The following KCNIP4 variants were observed in gnomAD, a reference collection of about 807,000 sequenced individuals.
The protein encoded by KCNIP4 is Kv channel-interacting protein 4.
KCNIP4 carries 12 observed loss-of-function variants against 34.0 expected under a neutral mutation model. The observed-to-expected ratio is 0.35, with a 90% CI of 0.23 to 0.57. KCNIP4 has a LOEUF of 0.57. KCNIP4 is among the 20% of genes least tolerant of loss of function. The pLI is 0.83. For missense variants in KCNIP4, 238 were observed against 311.7 expected (o/e 0.76, Z 1.78); for synonymous variants, 124 against 102.2 (o/e 1.21, Z -1.29).
chr4:21,836,692 G>C (rs1011042139), intron 1 of KCNIP4, among the ~76,000 whole-genome samples: 18 of 152,106 alleles, frequency 1.2e-4, no homozygotes, highest in Non-Finnish European at 2.1e-4. Flanking sequence ...GGAAAATCCA[G>C]TCTTGCTATT....
chr4:20,978,144 T>C (rs1015685233), intron 1 of KCNIP4, among the ~76,000 whole-genome samples: 12 of 152,246 alleles, frequency 7.9e-5, no homozygotes, highest in African/African-American at 2.9e-4. Context: ...GTTATCTTAA[T>C]TGAAATTATC....
intron 1 of KCNIP4, among the ~76,000 whole-genome samples, chr4:21,147,962 A>AG (rs1462391690): frequency 4.8e-5 from 6 of 123,922 alleles, no homozygotes; most frequent in Admixed American, 2.6e-4. Context: ...AAAAAAAAAG[A>AG]AAAAAAGTTC....
intron 1 of KCNIP4, among the ~76,000 whole-genome samples, chr4:21,799,505 G>A (rs1191338355): frequency 2.0e-5 from 3 of 152,182 alleles, no homozygotes; most frequent in African/African-American, 7.2e-5. Context: ...CAGGGAGGTA[G>A]AGGTAGTGAC....
At chr4:20,967,037 G>A (rs992701665) in intron 1 of KCNIP4, among the ~76,000 whole-genome samples, 3 of 152,150 alleles carry the variant, frequency 2.0e-5, no homozygotes, top group African/African-American at 7.2e-5. Context: ...AAAGCTCAGT[G>A]TGTCCTAACC....
At chr4:21,877,302 G>A (rs1012368596) in intron 1 of KCNIP4, among the ~76,000 whole-genome samples, 5 of 152,000 alleles carry the variant, frequency 3.3e-5, no homozygotes, top group Non-Finnish European at 5.9e-5. Context: ...GCAGTGAGCT[G>A]AGATGGCACC....
intron 1 of KCNIP4, among the ~76,000 whole-genome samples, chr4:21,637,783 CAAAAAAAAA>C (rs3050028): frequency 9.1e-6 from 1 of 109,474 alleles, no homozygotes; most frequent in African/African-American, 3.6e-5. Flanking sequence ...AAGTCCGTCT[CAAAAAAAAA>C]AAAAAAAAAA....
At chr4:20,965,909 G>T (rs1024226579) in intron 1 of KCNIP4, among the ~76,000 whole-genome samples, 5 of 152,124 alleles carry the variant, frequency 3.3e-5, no homozygotes, top group African/African-American at 1.2e-4. Context: ...TCTCATCTGT[G>T]CAAATTCTTA....
chr4:20,987,447 C>T (rs1480868994), intron 1 of KCNIP4, among the ~76,000 whole-genome samples: 2 of 152,098 alleles, frequency 1.3e-5, no homozygotes, highest in African/African-American at 4.8e-5. Context: ...AAGGCTTTTA[C>T]CCATTGATTC....
At chr4:21,328,112 T>C (rs1715273630) in intron 1 of KCNIP4, among the ~76,000 whole-genome samples, 1 of 152,046 alleles carries the variant, frequency 6.6e-6, no homozygotes, top group Non-Finnish European at 1.5e-5. Flanking sequence ...TCTTGATTCT[T>C]ATGGGTATTC....
Position 21,497,814 on chromosome 4 carries a change from T to C in KCNIP4, c.61+450757A>G, listed in dbSNP as rs544432608. Among the ~76,000 whole-genome samples, 271 of 152,222 alleles carry C rather than the reference T, an allele frequency of 1.8e-3. 2 individuals are homozygous for C. The highest frequency in any genetic ancestry group is 6.4e-3 in the African/African-American group (264 of 41,556). Reference sequence around the variant, plus strand: ...GAAACTTTATATAATTCATAAAAAATTAATGCATAGTTATTCTAAAGTAAA... The same window carrying C: ...GAAACTTTATATAATTCATAAAAAACTAATGCATAGTTATTCTAAAGTAAA... On this transcript the variant is annotated intron_variant, in intron 1 of 8. Transcript: ENST00000382152.
chr4:21,931,427 C>T (rs1729558637), intron 1 of KCNIP4, among the ~76,000 whole-genome samples: 1 of 105,990 alleles, frequency 9.4e-6, no homozygotes, highest in South Asian at 4.1e-4. Context: ...CCTCCCCCCA[C>T]CCCACAACAG....
rs962639194 is a variant in KCNIP4 at position 21,893,713 on chromosome 4, C to A, written c.61+54858G>T. Among the ~76,000 whole-genome samples the A allele has an allele frequency of 4.6e-5, 7 of 152,070 alleles. 1 individual carries two copies. Among genetic ancestry groups the A allele is most frequent in the Non-Finnish European group, 8.8e-5 (6 of 68,000 alleles). The stretch of plus-strand genomic sequence containing the variant: ...TAGTCCTTTTGAGACTAGATCATTT[C>A]CTATAGCCAAAAATAAGATACTAGA... On this transcript the variant is annotated intron_variant, in intron 1 of 8. Coordinates refer to ENST00000382152, the MANE Select transcript of KCNIP4 (RefSeq NM_025221.6).
chr4:20,971,649 C>A lies in KCNIP4; in HGVS notation c.62-88940G>T, dbSNP rs146246699. Among the ~76,000 whole-genome samples the A allele has an allele frequency of 3.0e-3, 460 of 152,252 alleles. 2 individuals carry two copies. The highest frequency in any genetic ancestry group is 0.01 in the Middle Eastern group (3 of 294). On this transcript the variant is annotated intron_variant, in intron 1 of 8. Transcript: ENST00000382152. ...TTCAGCAATCTTGCAAAAAGATTAG[C>A]AAGTATAATATTTTTGCTGGTAGAA...
At chr4:21,396,045 ATGTAGAGTCTCC>A (rs1480169646) in intron 1 of KCNIP4, among the ~76,000 whole-genome samples, 24 of 151,772 alleles carry the variant, frequency 1.6e-4, no homozygotes, top group African/African-American at 5.3e-4. Flanking sequence ...ATATAAGACT[ATGTAGAGTCTCC>A]TATATATAGT....
At chr4:21,350,427 G>A (rs1717893506) in intron 1 of KCNIP4, among the ~76,000 whole-genome samples, 1 of 152,128 alleles carries the variant, frequency 6.6e-6, no homozygotes, top group Admixed American at 6.6e-5. Context: ...TGCTAACATG[G>A]CCAGCCACCC....
chr4:21,738,908 T>C (rs1304103826), intron 1 of KCNIP4, among the ~76,000 whole-genome samples: 2 of 152,184 alleles, frequency 1.3e-5, no homozygotes, highest in East Asian at 1.9e-4. Context: ...GTTTGGAGAA[T>C]AGAAATTGTG....
At chr4:20,854,423 T>G (rs924409092) in intron 2 of KCNIP4, among the ~76,000 whole-genome samples, 18 of 152,108 alleles carry the variant, frequency 1.2e-4, no homozygotes, top group Admixed American at 6.5e-5. Context: ...TCTCACTGAT[T>G]TGTGTGAGCT....
At chr4:21,006,760 A>T (rs892280375) in intron 1 of KCNIP4, among the ~76,000 whole-genome samples, 1 of 152,106 alleles carries the variant, frequency 6.6e-6, no homozygotes, top group Non-Finnish European at 1.5e-5. Context: ...TGCCTGGGAG[A>T]TGTGTCTGTG....
At chr4:21,503,356 G>A (rs1379742476) in intron 1 of KCNIP4, among the ~76,000 whole-genome samples, 3 of 152,270 alleles carry the variant, frequency 2.0e-5, no homozygotes, top group East Asian at 3.9e-4. Flanking sequence ...AAGCAAGCAA[G>A]TACCTTACAT....
Sources: allele counts gnomAD v4.1 joint callset (sites outside exome capture counted in the v4.1 genomes callset), GRCh38; gene constraint gnomAD v4.1.1; transcripts MANE v1.5; gene names NCBI Gene and HGNC (gene_info 2026-07-23, HGNC 2026-07-21).